FHIT: variants seen among roughly 807,000 people sequenced by gnomAD.
FHIT encodes the protein bis(5'-adenosyl)-triphosphatase.
FHIT carries 19 observed loss-of-function variants against 17.9 expected under a neutral mutation model. That is an observed-to-expected ratio of 1.06 (90% CI 0.74 to 1.56). The LOEUF is 1.56. FHIT is among the 40% of genes most tolerant of loss of function. FHIT has a pLI of 0.00. For missense variants in FHIT, 248 were observed against 189.2 expected, an observed-to-expected ratio of 1.31 and a Z score of -1.82; for synonymous variants, 81 against 69.7, an observed-to-expected ratio of 1.16 and a Z score of -0.81.
chr3:60,905,983 G>A (rs140266026), intron 3 of FHIT, among the ~76,000 whole-genome samples: 2 of 151,918 alleles, frequency 1.3e-5, no homozygotes, highest in Non-Finnish European at 2.9e-5. Context: ...TTACATATTC[G>A]AAATAAAAAA....
chr3:59,900,802 C>T (rs1704293678), intron 8 of FHIT, among the ~76,000 whole-genome samples: 4 of 152,182 alleles, frequency 2.6e-5, no homozygotes, highest in African/African-American at 7.2e-5. Context: ...TTGGTATAGA[C>T]GGGGTTTCAC....
At chr3:60,766,615 A>T (rs1699863584) in intron 4 of FHIT, among the ~76,000 whole-genome samples, 1 of 151,866 alleles carries the variant, frequency 6.6e-6, no homozygotes, top group Admixed American at 6.6e-5. Flanking sequence ...TGTCTCAAAT[A>T]AACCCAGAAG....
At chr3:59,911,712 G>C (rs929735085) in intron 8 of FHIT, among the ~76,000 whole-genome samples, 3 of 152,200 alleles carry the variant, frequency 2.0e-5, no homozygotes, top group African/African-American at 7.2e-5. Context: ...TGAGGTAAAA[G>C]TTCTTTCTCA....
chr3:60,582,627 A>T (rs1172734486), intron 4 of FHIT, among the ~76,000 whole-genome samples: 3 of 118,756 alleles, frequency 2.5e-5, no homozygotes, highest in Admixed American at 1.1e-4. Flanking sequence ...ATTTGGGATA[A>T]AAAAAAATGT....
intron 3 of FHIT, among the ~76,000 whole-genome samples, chr3:61,012,977 G>A (rs1420127355): frequency 6.6e-6 from 1 of 151,964 alleles, no homozygotes; most frequent in East Asian, 1.9e-4. Context: ...TTTTTATATT[G>A]TTAAATTGAC....
chr3:59,793,731 C>A (rs1699665110), intron 8 of FHIT, among the ~76,000 whole-genome samples: 1 of 152,160 alleles, frequency 6.6e-6, no homozygotes, highest in South Asian at 2.1e-4. Context: ...TCTTTTAAAA[C>A]CTACAGAGTG....
intron 8 of FHIT, among the ~76,000 whole-genome samples, chr3:59,784,566 C>G (rs1474350787): frequency 6.6e-6 from 1 of 152,220 alleles, no homozygotes; most frequent in Non-Finnish European, 1.5e-5. Flanking sequence ...CTAACCACCA[C>G]TGTGTAGGTA....
chr3:60,647,145 T>C (rs1033004334), intron 4 of FHIT, among the ~76,000 whole-genome samples: 1 of 152,178 alleles, frequency 6.6e-6, no homozygotes, highest in East Asian at 1.9e-4. Flanking sequence ...TAGGAAAACA[T>C]ATCGTTGTGG....
chr3:60,722,052 A>T (rs1553708184), intron 4 of FHIT, among the ~76,000 whole-genome samples: 5 of 152,218 alleles, frequency 3.3e-5, no homozygotes, highest in Non-Finnish European at 7.3e-5. Flanking sequence ...TGAGGCTATA[A>T]ACAGCAGTGG....
intron 5 of FHIT, among the ~76,000 whole-genome samples, chr3:60,519,290 G>A (rs561372752): frequency 6.6e-6 from 1 of 152,180 alleles, no homozygotes; most frequent in Admixed American, 6.5e-5. Context: ...CAGCTTCATA[G>A]ATATAATTTA....
intron 5 of FHIT, among the ~76,000 whole-genome samples, chr3:60,427,487 G>A (rs906976819): frequency 2.0e-5 from 3 of 152,102 alleles, no homozygotes; most frequent in Non-Finnish European, 4.4e-5. Context: ...TGAAAATGGT[G>A]AGACAATAAA....
intron 3 of FHIT, among the ~76,000 whole-genome samples, chr3:60,959,818 TA>T: frequency 6.6e-6 from 1 of 150,802 alleles, no homozygotes; most frequent in Non-Finnish European, 1.5e-5. Context: ...TTTTTTTTTT[TA>T]ATGTCAACAC....
At chr3:60,856,213 G>A (rs1396123480) in intron 3 of FHIT, among the ~76,000 whole-genome samples, 5 of 152,034 alleles carry the variant, frequency 3.3e-5, no homozygotes, top group Non-Finnish European at 5.9e-5. Context: ...GAGGTGGGGT[G>A]AGCCCTGACA....
chr3:61,016,126 A>G (rs1053865930), intron 3 of FHIT, among the ~76,000 whole-genome samples: 2 of 152,216 alleles, frequency 1.3e-5, no homozygotes, highest in Non-Finnish European at 2.9e-5. Context: ...CACATTTAAG[A>G]AATTATCTGA....
chr3:60,425,733 T>C (rs1267693761), intron 5 of FHIT, among the ~76,000 whole-genome samples: 1 of 152,108 alleles, frequency 6.6e-6, no homozygotes, highest in Non-Finnish European at 1.5e-5. Context: ...AAATTATAGT[T>C]ACAGGCTAAG....
At chr3:60,556,586 T>G (rs1246769466) in intron 4 of FHIT, among the ~76,000 whole-genome samples, 1 of 152,124 alleles carries the variant, frequency 6.6e-6, no homozygotes, top group African/African-American at 2.4e-5. Context: ...CCCACAGAAG[T>G]CAAGCAACTT....
intron 8 of FHIT, among the ~76,000 whole-genome samples, chr3:59,884,757 C>T (rs999907788): frequency 6.6e-6 from 1 of 152,216 alleles, no homozygotes; most frequent in African/African-American, 2.4e-5. Flanking sequence ...GAAGTCAACA[C>T]CTTGTCAGTT....
intron 5 of FHIT, among the ~76,000 whole-genome samples, chr3:60,487,922 A>G (rs886280042): frequency 6.6e-6 from 1 of 152,212 alleles, no homozygotes; most frequent in African/African-American, 2.4e-5. Flanking sequence ...AGCCAAAGCA[A>G]ATAGAATTTC....
At chr3:60,787,581 G>A (rs1217556741) in intron 4 of FHIT, among the ~76,000 whole-genome samples, 1 of 152,212 alleles carries the variant, frequency 6.6e-6, no homozygotes, top group Non-Finnish European at 1.5e-5. Flanking sequence ...ACTTGCATAT[G>A]CCTTGCATGA....
Sources: gnomAD v4.1 joint callset for allele counts (sites outside exome capture counted in the v4.1 genomes callset) on GRCh38, gnomAD v4.1.1 for gene constraint, MANE v1.5 for transcripts, NCBI Gene and HGNC (gene_info 2026-07-23, HGNC 2026-07-21) for gene names.